The following AOAH variants were observed in gnomAD, a reference collection of about 807,000 sequenced individuals.
AOAH encodes the protein acyloxyacyl hydrolase.
In AOAH, 64 loss-of-function variants were observed where a neutral mutation model predicts 92.2. The observed-to-expected ratio is 0.69, with a 90% CI of 0.57 to 0.86. AOAH has a LOEUF of 0.86. Among genes scored for constraint, AOAH ranks in the 40% least tolerant of loss-of-function variants. AOAH has a pLI of 0.00. For synonymous variants in AOAH, 263 were observed against 254.5 expected (o/e 1.03, Z -0.32); for missense variants, 656 against 694.6 (o/e 0.94, Z 0.62).
rs537877925 is a variant in AOAH, at chr7:36,620,787, G to A, written c.696C>T (p.Gly232=). Residue 232 remains glycine (G), a synonymous_variant, in exon 9 of 21, where the codon GGC becomes GGT. Transcript: ENST00000617537. ...GCTGAATTTAGTTGCTTACCCAAAT[G>A]CCATTACAGTTTGAATCCTGATGGA... ...WDVHQDSNCN[G]IWGVDPKDGV... 6.2e-7 allele frequency: 1 copy of A among 1,613,794 alleles called. No homozygotes were observed. Among genetic ancestry groups the A allele is most frequent in the South Asian group, 1.1e-5 (1 of 91,000 alleles).
At chr7:36,517,292 C>T (rs1783841616) in intron 20 of AOAH, among the ~76,000 whole-genome samples, 1 of 81,574 alleles carries the variant, frequency 1.2e-5, no homozygotes, top group Non-Finnish European at 2.9e-5. Flanking sequence ...TTCTTTCTTT[C>T]TTTCCTTTCT....
chr7:36,580,819 C>T (rs1442716727), intron 12 of AOAH, among the ~76,000 whole-genome samples: 1 of 152,180 alleles, frequency 6.6e-6, no homozygotes, highest in African/African-American at 2.4e-5. Context: ...TGGGACTCTC[C>T]TCTTGGGCTG....
At chr7:36,714,377 C>G (rs1340503555) in intron 1 of AOAH, among the ~76,000 whole-genome samples, 1 of 152,308 alleles carries the variant, frequency 6.6e-6, no homozygotes, top group African/African-American at 2.4e-5. Context: ...GATGGATTCA[C>G]AGCCGAATTC....
At position 36,582,989 on chromosome 7, in the gene AOAH, C is replaced by T. The variant is rs550316908; in HGVS notation, c.939-6333G>A. Among the ~76,000 whole-genome samples the T allele has an allele frequency of 7.9e-5, 12 of 152,116 alleles. No homozygotes were observed. In the East Asian group the frequency reaches 2.1e-3, roughly 27 times the overall value. Reference sequence around the variant, plus strand: ...CCTCCTGAGTAGCTGGGATTATAAGCGCATGCCACCATGCCCAGCTAATTT... The same window carrying T: ...CCTCCTGAGTAGCTGGGATTATAAGTGCATGCCACCATGCCCAGCTAATTT... On this transcript the variant is annotated intron_variant, in intron 12 of 20. Coordinates refer to ENST00000617537, the MANE Select transcript of AOAH (RefSeq NM_001637.4).
chr7:36,576,281 C>T (rs75974278), intron 13 of AOAH, among the ~76,000 whole-genome samples: 150 of 152,290 alleles, frequency 9.8e-4, no homozygotes, highest in South Asian at 7.2e-3. Flanking sequence ...TAGGTCTTGC[C>T]TCCTGAGCCT....
chr7:36,713,220 A>G (rs1259189759), intron 1 of AOAH, among the ~76,000 whole-genome samples: 1 of 152,242 alleles, frequency 6.6e-6, no homozygotes, highest in East Asian at 1.9e-4. Flanking sequence ...ACATAGATTA[A>G]GAGACAAAGA....
chr7:36,716,284 C>T (rs1340267473), intron 1 of AOAH, among the ~76,000 whole-genome samples: 5 of 151,706 alleles, frequency 3.3e-5, no homozygotes, highest in South Asian at 4.2e-4. Flanking sequence ...TACCATCTCA[C>T]ACCAGTTAGA....
chr7:36,652,158 G>A (rs1282185168), intron 4 of AOAH, among the ~76,000 whole-genome samples: 3 of 151,918 alleles, frequency 2.0e-5, no homozygotes, highest in Admixed American at 6.6e-5. Context: ...GATGAGCCTG[G>A]ATCATCTGGT....
intron 4 of AOAH, among the ~76,000 whole-genome samples, chr7:36,650,845 G>A (rs781300404): frequency 3.9e-5 from 6 of 152,202 alleles, no homozygotes; most frequent in Non-Finnish European, 8.8e-5. Flanking sequence ...AGAAAGACAC[G>A]GTCCTTGTGT....
At chr7:36,519,103 T>C (rs1175447933) in intron 20 of AOAH, among the ~76,000 whole-genome samples, 1 of 152,222 alleles carries the variant, frequency 6.6e-6, no homozygotes, top group Non-Finnish European at 1.5e-5. Flanking sequence ...ACTACAGGCA[T>C]CTTTTTAGGA....
chr7:36,675,906 CA>C (rs539279182), intron 2 of AOAH, among the ~76,000 whole-genome samples: 97 of 152,164 alleles, frequency 6.4e-4, no homozygotes, highest in African/African-American at 2.2e-3. Flanking sequence ...CCAATATAGG[CA>C]GAAGATATTT....
rs140729254 is a variant in AOAH, at chr7:36,717,474, G to A, written c.127+6548C>T. On this transcript the variant is annotated intron_variant, in intron 1 of 20. Coordinates refer to ENST00000617537, the MANE Select transcript of AOAH (RefSeq NM_001637.4). ...ACCAGAAGGTGAACACACTTCTGCG[G>A]GCTGAACTACCACATATGAACTCAG... 2.2e-3 allele frequency among the ~76,000 whole-genome samples: 332 copies of A among 152,048 alleles called. 3 individuals carry two copies. Among genetic ancestry groups the A allele is most frequent in the African/African-American group, 7.8e-3 (322 of 41,498 alleles).
chr7:36,534,523 T>C (rs1475749235), intron 16 of AOAH, among the ~76,000 whole-genome samples: 1 of 152,168 alleles, frequency 6.6e-6, no homozygotes, highest in Non-Finnish European at 1.5e-5. Flanking sequence ...ATGTGGAAGA[T>C]TGGCTAGGGG....
rs570031396 is a variant in AOAH, at chr7:36,674,283, T to A, written c.224-274A>T. ...GCTGGGTTTTCCTTTTCGTTCATTCTTTCTTTCTTTTTTTTCTACAGGGAA... is the reference window on the plus strand; with the variant it reads ...GCTGGGTTTTCCTTTTCGTTCATTCATTCTTTCTTTTTTTTCTACAGGGAA... On this transcript the variant is annotated intron_variant, in intron 2 of 20. Coordinates refer to ENST00000617537, the MANE Select transcript of AOAH (RefSeq NM_001637.4). Among the ~76,000 whole-genome samples, 50 of 152,372 alleles carry A rather than the reference T, an allele frequency of 3.3e-4. 1 individual carries two copies. Among genetic ancestry groups the A allele is most frequent in the Admixed American group, 5.2e-4 (8 of 15,304 alleles).
intron 2 of AOAH, among the ~76,000 whole-genome samples, chr7:36,682,586 T>C (rs183174651): frequency 6.6e-6 from 1 of 151,780 alleles, no homozygotes; most frequent in African/African-American, 2.4e-5. Flanking sequence ...TAAAATGAGC[T>C]AAGAGGCATT....
At chr7:36,545,144 T>C (rs538069980) in intron 15 of AOAH, among the ~76,000 whole-genome samples, 8 of 152,194 alleles carry the variant, frequency 5.3e-5, no homozygotes, top group African/African-American at 1.7e-4. Context: ...GTTGAACTCC[T>C]GGGCTCAAGC....
intron 1 of AOAH, among the ~76,000 whole-genome samples, chr7:36,695,931 T>C (rs1457962844): frequency 1.4e-5 from 2 of 147,378 alleles, no homozygotes; most frequent in East Asian, 3.9e-4. Context: ...AGGTCTATAT[T>C]CTATTTTGAG....
intron 16 of AOAH, among the ~76,000 whole-genome samples, chr7:36,534,161 A>C (rs1487622311): frequency 6.6e-6 from 1 of 151,710 alleles, no homozygotes; most frequent in Non-Finnish European, 1.5e-5. Flanking sequence ...TGGGAACTTC[A>C]TTGTTGGCTC....
chr7:36,650,165 C>T (rs1466142552), intron 4 of AOAH, among the ~76,000 whole-genome samples: 1 of 107,046 alleles, frequency 9.3e-6, no homozygotes, highest in Non-Finnish European at 2.0e-5. Context: ...AAGTGGCCCA[C>T]CACCGTCTTG....
Sources: gnomAD v4.1 joint callset for allele counts (sites outside exome capture counted in the v4.1 genomes callset) on GRCh38, gnomAD v4.1.1 for gene constraint, MANE v1.5 for transcripts, NCBI Gene and HGNC (gene_info 2026-07-23, HGNC 2026-07-21) for gene names.